The following ACO2 variants were observed in gnomAD, a reference collection of about 807,000 sequenced individuals.
The protein encoded by ACO2 is aconitate hydratase, mitochondrial.
A neutral mutation model predicts 84.5 loss-of-function variants in ACO2; 31 were observed. The observed-to-expected ratio is 0.37, with a 90% CI of 0.28 to 0.50. ACO2 has a LOEUF of 0.50. ACO2 is among the 20% of genes least tolerant of loss of function. ACO2 has a pLI of 0.97. For missense variants in ACO2, 685 were observed against 1,029.3 expected (o/e 0.67, Z 4.58); for synonymous variants, 414 against 412.7 (o/e 1.00, Z -0.04).
intron 2 of ACO2, among the ~76,000 whole-genome samples, chr22:41,504,300 C>G (rs1324123677): frequency 1.3e-5 from 2 of 152,208 alleles, no homozygotes; most frequent in African/African-American, 4.8e-5. Context: ...GGCGACTTCT[C>G]TTCCACCTTG....
chr22:41,479,883 G>T (rs2038067072), intron 1 of ACO2, among the ~76,000 whole-genome samples: 1 of 152,192 alleles, frequency 6.6e-6, no homozygotes, highest in African/African-American at 2.4e-5. Context: ...AGTCAGATGA[G>T]CGAATCTGTC....
intron 6 of ACO2, chr22:41,517,216 T>C: frequency 2.6e-6 from 1 of 380,474 alleles, no homozygotes; most frequent in East Asian, 5.8e-5. Context: ...GTTCAATCTC[T>C]TGGGCGACAG....
intron 2 of ACO2, among the ~76,000 whole-genome samples, chr22:41,504,314 C>G (rs1160170514): frequency 3.9e-5 from 6 of 152,210 alleles, no homozygotes; most frequent in Admixed American, 3.9e-4. Context: ...CACCTTGTGT[C>G]TCCAACAGAA....
chr22:41,518,665 G>T, intron 8 of ACO2, 93 bp downstream of exon 8: 1 of 995,344 alleles, frequency 1.0e-6, no homozygotes, highest in Admixed American at 1.8e-5. Flanking sequence ...GCCGGGTGGT[G>T]GCTCACAGCT....
chr22:41,510,469 C>G (rs2066425619), intron 3 of ACO2, among the ~76,000 whole-genome samples: 1 of 152,230 alleles, frequency 6.6e-6, no homozygotes, highest in South Asian at 2.1e-4. Flanking sequence ...CTGGGGGAAC[C>G]CAGTGGGCCT....
In ACO2 at chr22:41,517,622, G is replaced by A. The variant is rs760772363; in HGVS notation, c.931G>A (p.Gly311Ser). ...GATGAAGAAGTACCTGAGCAAGACC[G>A]GCCGGGAAGGTGAGCTGGCAGGGGC... Reference protein sequence around the residue: ...HRMKKYLSKTGREDIANLADE... With the variant: ...HRMKKYLSKTSREDIANLADE... The change falls in exon 7 of 18, where the codon GGC (glycine) becomes AGC (serine). Residue 311 changes from glycine (G) to serine (S), a missense_variant. Physicochemically the swap from Gly to Ser is moderately conservative, Grantham distance 56 (BLOSUM62 0). Around this residue, in one of 5 missense-constraint regions of ACO2, gnomAD observed 311 missense variants for 441.6 expected, o/e 0.70. Coordinates refer to ENST00000216254, the MANE Select transcript of ACO2 (RefSeq NM_001098.3). 38 of 1,613,766 alleles carry A rather than the reference G, an allele frequency of 2.4e-5. No individual in the cohort carries two copies. Among genetic ancestry groups the A allele is most frequent in the South Asian group, 1.9e-4 (17 of 91,082 alleles).
intron 7 of ACO2, 45 bp from the exon 8 acceptor site, chr22:41,518,436 A>T: frequency 6.8e-7 from 1 of 1,473,014 alleles, no homozygotes; most frequent in Non-Finnish European, 9.5e-7. Flanking sequence ...TCTCAAGAAC[A>T]GTTTATGTTT....
chr22:41,525,059 G>C (rs1031536536), intron 13 of ACO2, 91 bp downstream of exon 13: 330 of 1,606,428 alleles, frequency 2.1e-4, no homozygotes, highest in Non-Finnish European at 2.7e-4. Flanking sequence ...GGCAGGGAGG[G>C]CGCTGCTAGT....
In ACO2 at chr22:41,504,842, G is replaced by C. The variant is rs187504940; in HGVS notation, c.174-2949G>C. Among the ~76,000 whole-genome samples, 308 of 147,136 alleles carry C rather than the reference G, an allele frequency of 2.1e-3. 1 individual carries two copies. In the Middle Eastern group the frequency reaches 0.033, roughly 16 times the overall value. ...GGGGTCAATCCATCCTCCCACCTCAGCCTTCCCAGTATCTGGGACTATAGG... is the reference window on the plus strand; with the variant it reads ...GGGGTCAATCCATCCTCCCACCTCACCCTTCCCAGTATCTGGGACTATAGG... On this transcript the variant is annotated intron_variant, in intron 2 of 17. Coordinates refer to ENST00000216254, the MANE Select transcript of ACO2 (RefSeq NM_001098.3).
At chr22:41,518,379 G>A (rs1180483990) in intron 7 of ACO2, 102 bp from the exon 8 acceptor site, 2 of 846,762 alleles carry the variant, frequency 2.4e-6, no homozygotes, top group African/African-American at 3.3e-5. Flanking sequence ...TCAGTGCCCA[G>A]GGTGGGCCTG....
Position 41,528,763 on chromosome 22 carries a change from G to A in ACO2, c.*150G>A. The A allele has an allele frequency of 1.7e-6, 2 of 1,155,468 alleles. No individual in the cohort carries two copies. The highest frequency in any genetic ancestry group is 2.4e-6 in the Non-Finnish European group (2 of 848,092). 71.6% of individuals were successfully genotyped at this position (1,155,468 alleles called of 1,614,324 possible). On this transcript the variant is annotated 3_prime_UTR_variant, in exon 18 of 18. Transcript: ENST00000216254. ...CCCGCTTAGCCCACGGAGTGACTGT[G>A]GTTGTGGTGGGGGGGTTCTTAAAAT...
intron 2 of ACO2, among the ~76,000 whole-genome samples, chr22:41,504,711 C>CTTTTTTTTTTTTTTT (rs926246283): frequency 2.1e-5 from 1 of 48,604 alleles, no homozygotes; most frequent in African/African-American, 7.7e-5. Context: ...ACCTTAGGGA[C>CTTTTTTTTTTTTTTT]TTTTTTTTTT....
chr22:41,521,848 C>T (rs1679460681), intron 9 of ACO2, among the ~76,000 whole-genome samples: 2 of 151,526 alleles, frequency 1.3e-5, no homozygotes, highest in African/African-American at 4.9e-5. Context: ...AATCTCGGCT[C>T]ACTGCAGCCT....
intron 12 of ACO2, 94 bp from the exon 13 acceptor site, chr22:41,524,752 G>T: frequency 6.3e-7 from 1 of 1,576,780 alleles, no homozygotes; most frequent in South Asian, 1.1e-5. Flanking sequence ...AATTTCCTGG[G>T]TTCCTTTCTC....
At chr22:41,526,540 A>G (rs2066600512) in intron 15 of ACO2, 87 bp downstream of exon 15, 2 of 1,461,992 alleles carry the variant, frequency 1.4e-6, no homozygotes, top group Non-Finnish European at 1.8e-6. Context: ...AGGGGAGTGG[A>G]AACTGGGAAG....
intron 16 of ACO2, 104 bp downstream of exon 16, chr22:41,527,524 C>G: frequency 6.9e-7 from 1 of 1,454,198 alleles, no homozygotes; most frequent in Non-Finnish European, 9.2e-7. Context: ...GCTGTGTCCA[C>G]TGCAGCCCAC....
At chr22:41,519,337 C>T (rs1027619447) in intron 8 of ACO2, among the ~76,000 whole-genome samples, 1 of 152,202 alleles carries the variant, frequency 6.6e-6, no homozygotes, top group Non-Finnish European at 1.5e-5. Context: ...CACTTAGCCT[C>T]TGTAGGCCCC....
At chr22:41,514,106 C>T (rs1186520950) in intron 4 of ACO2, among the ~76,000 whole-genome samples, 1 of 152,244 alleles carries the variant, frequency 6.6e-6, no homozygotes, top group African/African-American at 2.4e-5. Flanking sequence ...GGTCTTCCCT[C>T]TGCATCCCCA....
At chr22:41,496,474 C>T (rs2066314445) in intron 1 of ACO2, among the ~76,000 whole-genome samples, 1 of 152,102 alleles carries the variant, frequency 6.6e-6, no homozygotes, top group Admixed American at 6.6e-5. Context: ...CAGATCCTCA[C>T]AATAGCTCTG....
Sources: allele counts gnomAD v4.1 joint callset (sites outside exome capture counted in the v4.1 genomes callset), GRCh38; gene constraint gnomAD v4.1.1; regional missense constraint gnomAD v4.1.1; transcripts MANE v1.5; gene names NCBI Gene and HGNC (gene_info 2026-07-23, HGNC 2026-07-21).